MTX2: variants seen among roughly 807,000 people sequenced by gnomAD.
MTX2 encodes the protein metaxin 2.
In MTX2, 35 loss-of-function variants were observed where a neutral mutation model predicts 42.3. The observed-to-expected ratio is 0.83, with a 90% CI of 0.63 to 1.10. The LOEUF (loss-of-function observed/expected upper bound fraction) is 1.10. Ranked by LOEUF, MTX2 falls within the 50% of genes least tolerant of loss-of-function variation. The pLI is 0.00. For missense variants in MTX2, 307 were observed against 304.1 expected, an observed-to-expected ratio of 1.01 and a Z score of -0.07; for synonymous variants, 119 against 100.9, an observed-to-expected ratio of 1.18 and a Z score of -1.08.
intron 3 of MTX2, among the ~76,000 whole-genome samples, chr2:176,318,720 C>T (rs866238589): frequency 1.4e-4 from 21 of 152,200 alleles, no homozygotes; most frequent in African/African-American, 5.1e-4. Flanking sequence ...GCTATAATCA[C>T]TTTCAGATGA....
chr2:176,289,202 G>A (rs559315249), intron 1 of MTX2, among the ~76,000 whole-genome samples: 76 of 151,678 alleles, frequency 5.0e-4, no homozygotes, highest in African/African-American at 1.8e-3. Flanking sequence ...TATTTTTTTG[G>A]GTCACGGGTG....
chr2:176,288,452 C>T (rs540465537), intron 1 of MTX2, among the ~76,000 whole-genome samples: 1 of 151,918 alleles, frequency 6.6e-6, no homozygotes, highest in African/African-American at 2.4e-5. Flanking sequence ...GCTCTTTGAA[C>T]ATTTTGTTAT....
At chr2:176,297,339 TAGC>T (rs902844548) in intron 2 of MTX2, among the ~76,000 whole-genome samples, 12 of 152,290 alleles carry the variant, frequency 7.9e-5, no homozygotes, top group African/African-American at 2.9e-4. Flanking sequence ...ATTTGGGGCT[TAGC>T]AGCCTGCTAC....
At chr2:176,289,553 G>A (rs897451856) in intron 1 of MTX2, among the ~76,000 whole-genome samples, 8 of 151,698 alleles carry the variant, frequency 5.3e-5, no homozygotes, top group African/African-American at 1.9e-4. Flanking sequence ...TTTATTTCTA[G>A]GTATTCTTTT....
chr2:176,314,918 T>A (rs1222053304), intron 3 of MTX2, among the ~76,000 whole-genome samples: 1 of 152,184 alleles, frequency 6.6e-6, no homozygotes. Context: ...TTGATTATAT[T>A]TTTATTCTGC....
At chr2:176,279,602 C>A (rs550338453) in intron 1 of MTX2, among the ~76,000 whole-genome samples, 49 of 152,106 alleles carry the variant, frequency 3.2e-4, no homozygotes, top group Admixed American at 7.2e-4. Flanking sequence ...TAGATGCTAT[C>A]ATTGTTATTT....
At chr2:176,337,437 T>C in intron 9 of MTX2, 56 bp from the exon 10 acceptor site, 6 of 1,444,560 alleles carry the variant, frequency 4.2e-6, no homozygotes, top group Middle Eastern at 1.8e-4. Context: ...CAACTGTGTT[T>C]TCTATTGTAA....
chr2:176,337,627 A>G lies in MTX2; in HGVS notation c.755A>G (p.His252Arg), dbSNP rs540151224. 1 of 1,611,702 alleles carries G rather than the reference A, an allele frequency of 6.2e-7. No individual in the cohort carries two copies. The highest frequency in any genetic ancestry group is 1.7e-5 in the Admixed American group (1 of 59,734). The change falls in exon 10 of 10, where the codon CAC becomes CGC. Residue 252 changes from histidine to arginine, a missense_variant. Physicochemically the swap from His to Arg is conservative, Grantham distance 29 (BLOSUM62 0). Transcript: ENST00000249442. ...GCTTTCTGTAGGAGAATTGAACAGCACTATTTTGAAGATCGTGGTAAAGGC... is the reference window on the plus strand; with the variant it reads ...GCTTTCTGTAGGAGAATTGAACAGCGCTATTTTGAAGATCGTGGTAAAGGC... ...LLAFCRRIEQ[H>R]YFEDRGKGRL...
chr2:176,316,491 T>G (rs577675067), intron 3 of MTX2, among the ~76,000 whole-genome samples: 64 of 152,234 alleles, frequency 4.2e-4, no homozygotes, highest in African/African-American at 1.5e-3. Flanking sequence ...AGCCTCAACC[T>G]CCTGGGCTTA....
chr2:176,311,038 T>C (rs1684291496), intron 3 of MTX2, among the ~76,000 whole-genome samples: 1 of 152,232 alleles, frequency 6.6e-6, no homozygotes, highest in African/African-American at 2.4e-5. Flanking sequence ...TGTGGTTTTG[T>C]CTACCTTTGG....
intron 5 of MTX2, 72 bp from the exon 6 acceptor site, chr2:176,328,220 TG>T: frequency 1.1e-6 from 1 of 898,902 alleles, no homozygotes; most frequent in Non-Finnish European, 1.6e-6. Context: ...TTACGTTATT[TG>T]TTAGTGAGAT....
In MTX2 at chr2:176,282,126, G is replaced by GTTTTTTTTGT. The variant is rs767511650; in HGVS notation, c.40+12465_40+12466insGTTTTTTTTT. ...TGATATTATTTTTAGAGTTACAGTA[G>GTTTTTTTTGT]TTTTTTTTTTTTTTTTTTTTTTTTT... On this transcript the variant is annotated intron_variant, in intron 1 of 9. Transcript: ENST00000249442. 4.2e-4 allele frequency among the ~76,000 whole-genome samples: 11 copies of GTTTTTTTTGT among 26,426 alleles called. 1 individual carries two copies. The highest frequency in any genetic ancestry group is 1.4e-3 in the East Asian group (1 of 732). 17.3% of individuals were successfully genotyped at this position (26,426 alleles called of 152,430 possible). A position where few individuals can be genotyped will look rare whatever the true frequency, so the allele number is the denominator to read the frequency against.
In MTX2 at chr2:176,286,025, T is replaced by C. The variant is rs538037116; in HGVS notation, c.41-10835T>C. Among the ~76,000 whole-genome samples the C allele has an allele frequency of 2.0e-5, 3 of 152,248 alleles. No individual in the cohort carries two copies. The South Asian group carries it at 6.2e-4, about 32-fold the overall frequency. Reference sequence around the variant, plus strand: ...TGATTTCTCCACATTTGCTAAACATTTGTTATTGTCTGTCTTGTTGATTAT... The same window carrying C: ...TGATTTCTCCACATTTGCTAAACATCTGTTATTGTCTGTCTTGTTGATTAT... On this transcript the variant is annotated intron_variant, in intron 1 of 9. Coordinates refer to ENST00000249442, the MANE Select transcript of MTX2 (RefSeq NM_006554.5).
intron 4 of MTX2, among the ~76,000 whole-genome samples, chr2:176,324,524 A>G (rs140152652): frequency 8.6e-5 from 13 of 151,828 alleles, no homozygotes; most frequent in African/African-American, 2.6e-4. Flanking sequence ...TAGGAACTAC[A>G]GAGTTCTGGT....
Position 176,269,462 on chromosome 2 carries a change from G to A in MTX2, c.-168G>A, listed in dbSNP as rs1421303045. 5 of 693,806 alleles carry A rather than the reference G, an allele frequency of 7.2e-6. No individual in the cohort carries two copies. The Admixed American group carries it at 1.2e-4, about 16-fold the overall frequency. 43.0% of individuals were successfully genotyped at this position (693,806 alleles called of 1,614,324 possible). A position where few individuals can be genotyped will look rare whatever the true frequency, so the allele number is the denominator to read the frequency against. On this transcript the variant is annotated 5_prime_UTR_variant, in exon 1 of 10. Coordinates refer to ENST00000249442, the MANE Select transcript of MTX2 (RefSeq NM_006554.5). ...CGGAAGTCCCTAGCCAGGCCTGGCG[G>A]TAACCTTGGGGGCCTCACTGCAGCC...
chr2:176,296,268 G>A (rs931658829), intron 1 of MTX2, among the ~76,000 whole-genome samples: 3 of 152,112 alleles, frequency 2.0e-5, no homozygotes. Flanking sequence ...AATTGTGTTT[G>A]TGGGGTGGTG....
intron 2 of MTX2, 150 bp downstream of exon 2, chr2:176,297,057 T>C: frequency 1.2e-6 from 1 of 838,266 alleles, no homozygotes; most frequent in Non-Finnish European, 1.9e-6. Flanking sequence ...TACCTGAACT[T>C]GTATCTGCCA....
intron 3 of MTX2, among the ~76,000 whole-genome samples, chr2:176,321,631 G>A (rs887955520): frequency 2.0e-5 from 3 of 152,082 alleles, no homozygotes; most frequent in African/African-American, 7.2e-5. Flanking sequence ...GGCTGCTATA[G>A]CTATAGCCAT....
intron 1 of MTX2, among the ~76,000 whole-genome samples, chr2:176,284,107 T>G (rs1005809461): frequency 6.7e-6 from 1 of 149,320 alleles, no homozygotes; most frequent in Admixed American, 6.7e-5. Context: ...GATTTTTTTC[T>G]TTTTTTTTTC....
Sources: gnomAD v4.1 joint callset for allele counts (sites outside exome capture counted in the v4.1 genomes callset) on GRCh38, gnomAD v4.1.1 for gene constraint, MANE v1.5 for transcripts, NCBI Gene and HGNC (gene_info 2026-07-23, HGNC 2026-07-21) for gene names.